The following SDHA variants were observed in gnomAD, a reference collection of about 807,000 sequenced individuals.
The protein encoded by SDHA is succinate dehydrogenase [ubiquinone] flavoprotein subunit, mitochondrial.
In SDHA, 48 loss-of-function variants were observed where a neutral mutation model predicts 78.4. That is an observed-to-expected ratio of 0.61 (90% CI 0.49 to 0.78). The LOEUF is 0.78. SDHA is among the 30% of genes least tolerant of loss of function. SDHA has a pLI of 0.00. For missense variants in SDHA, 680 were observed against 892.7 expected, an observed-to-expected ratio of 0.76 and a Z score of 3.04; for synonymous variants, 326 against 353.9, an observed-to-expected ratio of 0.92 and a Z score of 0.88.
chr5:243,220 A>T lies in SDHA; in HGVS notation c.1551+2744A>T, dbSNP rs1269884477. Among the ~76,000 whole-genome samples the T allele has an allele frequency of 3.3e-5, 5 of 152,212 alleles. No homozygotes were observed. The South Asian group carries it at 8.3e-4, about 25-fold the overall frequency. ...AGCTACATTTGAGCCTTTTCCCTTTAAATTACTTAAGGAGTTTAAACACGC... is the reference window on the plus strand; with the variant it reads ...AGCTACATTTGAGCCTTTTCCCTTTTAATTACTTAAGGAGTTTAAACACGC... On this transcript the variant is annotated intron_variant, in intron 11 of 14. Transcript: ENST00000264932.
At chr5:243,265 G>C (rs1406365675) in intron 11 of SDHA, among the ~76,000 whole-genome samples, 6 of 152,166 alleles carry the variant, frequency 3.9e-5, no homozygotes, top group Non-Finnish European at 2.9e-5. Context: ...GTATGGACCA[G>C]GTTCTCCTTT....
At chr5:230,180 C>A (rs1490565309) in intron 6 of SDHA, among the ~76,000 whole-genome samples, 1 of 147,228 alleles carries the variant, frequency 6.8e-6, no homozygotes, top group African/African-American at 2.7e-5. Flanking sequence ...AATCATCACG[C>A]TGTACACCAT....
At chr5:258,528 T>G (rs1457274118), downstream of SDHA, among the ~76,000 whole-genome samples, 1 of 118,906 alleles carries the variant, frequency 8.4e-6, no homozygotes, top group Non-Finnish European at 1.6e-5. Context: ...GCCAGAGCAT[T>G]ACTGTGAGCT....
intron 11 of SDHA, among the ~76,000 whole-genome samples, chr5:248,142 C>T (rs1322371708): frequency 3.3e-5 from 5 of 152,196 alleles, no homozygotes; most frequent in African/African-American, 1.2e-4. Flanking sequence ...AAAATAATAA[C>T]TTGGGGTAGA....
At chr5:246,486 A>G (rs1418870096) in intron 11 of SDHA, among the ~76,000 whole-genome samples, 2 of 152,222 alleles carry the variant, frequency 1.3e-5, no homozygotes, top group Non-Finnish European at 2.9e-5. Context: ...AATCAATAGA[A>G]TAGATCCAGA....
chr5:249,961 G>T (rs1358390425), intron 11 of SDHA: 3 of 152,172 alleles, frequency 2.0e-5, no homozygotes, highest in Non-Finnish European at 2.9e-5. Flanking sequence ...CAATGTGCCA[G>T]CAGTAGTCTG....
Position 218,352 on chromosome 5 carries a change from A to G in SDHA, c.-4A>G, listed in dbSNP as rs377134185. 2.9e-3 allele frequency: 4,267 copies of G among 1,458,606 alleles called. 101 individuals are homozygous for G. The African/African-American group carries it at 0.054, about 18-fold the overall frequency. The allele number at this position is 1,458,606 out of a possible 1,614,324, so 90.4% of individuals were successfully genotyped here. On this transcript the variant is annotated 5_prime_UTR_variant, in exon 1 of 15. Coordinates refer to ENST00000264932, the MANE Select transcript of SDHA (RefSeq NM_004168.4). ...GGCGGGACTGCGCGGCGGCAACAGCAGACATGTCGGGGGTCCGGGGCCTGT... is the reference window on the plus strand; with the variant it reads ...GGCGGGACTGCGCGGCGGCAACAGCGGACATGTCGGGGGTCCGGGGCCTGT...
In SDHA at chr5:224,488, G is replaced by A. The variant is rs1579381802; in HGVS notation, c.279G>A (p.Leu93=). The A allele has an allele frequency of 6.2e-7, 1 of 1,613,090 alleles. No homozygotes were observed. Among genetic ancestry groups the A allele is most frequent in the Non-Finnish European group, 8.5e-7 (1 of 1,179,870 alleles). ...AGFNTACVTK[L]FPTRSHTVAA... ...TTAATACAGCATGTGTTACCAAGCT[G>A]TTTCCTACCAGGTCACACACTGTTG... Residue 93 remains leucine, a synonymous_variant, in exon 3 of 15, where the codon CTG becomes CTA. Transcript: ENST00000264932.
At chr5:247,176 A>G (rs1392953569) in intron 11 of SDHA, among the ~76,000 whole-genome samples, 3 of 152,236 alleles carry the variant, frequency 2.0e-5, no homozygotes, top group Admixed American at 6.5e-5. Flanking sequence ...TGTAGCTGTA[A>G]TTGAGGTATT....
intron 1 of SDHA, among the ~76,000 whole-genome samples, chr5:222,794 A>G (rs1251505398): frequency 6.6e-6 from 1 of 152,242 alleles, no homozygotes; most frequent in African/African-American, 2.4e-5. Flanking sequence ...ACTAAACACC[A>G]AAACCAGTTT....
intron 11 of SDHA, among the ~76,000 whole-genome samples, chr5:242,605 C>T (rs1007622379): frequency 6.6e-6 from 1 of 152,202 alleles, no homozygotes; most frequent in African/African-American, 2.4e-5. Context: ...TCTTTAATTC[C>T]TCTAGCGCCG....
Position 225,563 on chromosome 5 carries a change from G to C in SDHA, c.456+1G>C. ...GCAGGCCCCCGCCGCCGTGGTCGAGGTGATGGGCGGGAGGCTCTGGGTGTT... is the reference window on the plus strand; with the variant it reads ...GCAGGCCCCCGCCGCCGTGGTCGAGCTGATGGGCGGGAGGCTCTGGGTGTT... On this transcript the variant is annotated splice_donor_variant, in intron 4 of 14. Transcript: ENST00000264932. LOFTEE classifies it high-confidence loss of function. The C allele has an allele frequency of 6.2e-7, 1 of 1,613,894 alleles. No individual in the cohort carries two copies. Among genetic ancestry groups the C allele is most frequent in the Non-Finnish European group, 8.5e-7 (1 of 1,179,828 alleles).
intron 1 of SDHA, among the ~76,000 whole-genome samples, chr5:221,109 G>A (rs890871080): frequency 2.9e-4 from 44 of 152,088 alleles, no homozygotes; most frequent in African/African-American, 2.4e-5. Context: ...CACCACGCCC[G>A]GCCGAACTGT....
At chr5:261,710 G>A (rs370318755), downstream of SDHA, among the ~76,000 whole-genome samples, 162 of 11,984 alleles carry the variant, frequency 0.014, no homozygotes, top group Non-Finnish European at 0.016. Context: ...CCGCCTCCCG[G>A]CAGAGCATTA....
intron 14 of SDHA, among the ~76,000 whole-genome samples, chr5:255,498 C>G (rs1386397358): frequency 6.6e-6 from 1 of 151,750 alleles, no homozygotes; most frequent in Non-Finnish European, 1.5e-5. Flanking sequence ...TCTCTGTTGC[C>G]CAGGCTGATA....
chr5:224,895 T>G lies in SDHA; in HGVS notation c.312+374T>G, dbSNP rs146798038. 3.6e-3 allele frequency: 1,307 copies of G among 360,588 alleles called. 16 individuals carry two copies. The highest frequency in any genetic ancestry group is 0.026 in the African/African-American group (1,235 of 47,736). 22.3% of individuals were successfully genotyped at this position (360,588 alleles called of 1,614,324 possible). ...CAAGGGTTTCATTTGTCCCTGTGCTTCTGTCTTCTGGGACTCTCTGAGGGG... is the reference window on the plus strand; with the variant it reads ...CAAGGGTTTCATTTGTCCCTGTGCTGCTGTCTTCTGGGACTCTCTGAGGGG... On this transcript the variant is annotated intron_variant, in intron 3 of 14. Coordinates refer to ENST00000264932, the MANE Select transcript of SDHA (RefSeq NM_004168.4).
chr5:238,455 T>A (rs1735921851), intron 10 of SDHA, among the ~76,000 whole-genome samples: 1 of 151,696 alleles, frequency 6.6e-6, no homozygotes, highest in Admixed American at 6.6e-5. Flanking sequence ...GTATTTTTTT[T>A]TTTTAAGAGA....
Position 256,826 on chromosome 5 carries a change from TTC to T in SDHA, c.*408_*409del, listed in dbSNP as rs769555549. 2,645 of 238,516 alleles carry T rather than the reference TTC, an allele frequency of 0.011. 9 individuals carry two copies. The highest frequency in any genetic ancestry group is 0.021 in the South Asian group (220 of 10,490). 14.8% of individuals were successfully genotyped at this position (238,516 alleles called of 1,614,324 possible). A position where few individuals can be genotyped will look rare whatever the true frequency, so the allele number is the denominator to read the frequency against. On this transcript the variant is annotated 3_prime_UTR_variant, in exon 15 of 15. Coordinates refer to ENST00000264932, the MANE Select transcript of SDHA (RefSeq NM_004168.4). The stretch of plus-strand genomic sequence containing the variant: ...GTATAGTTTCTTTTTTCTTTTTCTT[TTC>T]TTTTTTTTTTTTGAGACAGGATCGG...
intron 11 of SDHA, among the ~76,000 whole-genome samples, chr5:244,098 G>A (rs1287758288): frequency 6.6e-6 from 1 of 152,114 alleles, no homozygotes; most frequent in African/African-American, 2.4e-5. Context: ...AATGCCATGA[G>A]GGGCCCGTCC....
Sources: gnomAD v4.1 joint callset for allele counts (sites outside exome capture counted in the v4.1 genomes callset) on GRCh38, gnomAD v4.1.1 for gene constraint, MANE v1.5 for transcripts, NCBI Gene and HGNC (gene_info 2026-07-23, HGNC 2026-07-21) for gene names.